ZNF654: variants seen among roughly 807,000 people sequenced by gnomAD.
ZNF654 encodes melanoma-associated antigen.
Under a neutral mutation model 95.3 loss-of-function variants are expected in ZNF654, and 19 were observed. That is an observed-to-expected ratio of 0.20 (90% CI 0.14 to 0.29). The LOEUF is 0.29. Ranked by LOEUF, ZNF654 falls within the 10% of genes least tolerant of loss-of-function variation. ZNF654 has a pLI of 1.00. For synonymous variants in ZNF654, 413 were observed against 457.9 expected (o/e 0.90, Z 1.25); for missense variants, 1,046 against 1,341.0 (o/e 0.78, Z 3.44).
intron 7 of ZNF654, 69 bp from the exon 8 acceptor site, chr3:88,138,636 T>TTAA (rs1200427349): frequency 2.1e-6 from 2 of 952,970 alleles, no homozygotes; most frequent in African/African-American, 3.4e-5. Context: ...TTGTGTTTTT[T>TTAA]AAAGATAGAC....
chr3:88,084,540 G>A, intron 1 of ZNF654, among the ~76,000 whole-genome samples: 1 of 152,286 alleles, frequency 6.6e-6, no homozygotes, highest in Non-Finnish European at 1.5e-5. Flanking sequence ...GCAAGAGCCA[G>A]ACGAGATACA....
chr3:88,139,552 T>G lies in ZNF654; in HGVS notation c.1883T>G (p.Phe628Cys), dbSNP rs1331310424. 2 of 1,613,524 alleles carry G rather than the reference T, an allele frequency of 1.2e-6. No individual in the cohort carries two copies. Among genetic ancestry groups the G allele is most frequent in the Non-Finnish European group, 1.7e-6 (2 of 1,179,714 alleles). The stretch of plus-strand genomic sequence containing the variant: ...AATTGTTCTAGTTCTTCCATTTCAT[T>G]TGAAAATGGGAATTCTGATAGTAAG... ...EINCSSSSIS[F>C]ENGNSDSKDL... Residue 628 changes from phenylalanine to cysteine, a missense_variant, in exon 8 of 9, where the codon TTT becomes TGT. Phe to Cys is a radical substitution (Grantham distance 205). Around this residue, in one of 9 missense-constraint regions of ZNF654, gnomAD observed 495 missense variants for 537.0 expected, o/e 0.92. Transcript: ENST00000636215.
chr3:88,083,939 TTTTATA>T lies in ZNF654; in HGVS notation c.187-2316_187-2311del, dbSNP rs1374691231. 4.6e-4 allele frequency among the ~76,000 whole-genome samples: 11 copies of T among 24,006 alleles called. No homozygotes were observed. The South Asian group carries it at 8.1e-3, about 18-fold the overall frequency. 15.7% of individuals were successfully genotyped at this position (24,006 alleles called of 152,430 possible). A position where few individuals can be genotyped will look rare whatever the true frequency, so the allele number is the denominator to read the frequency against. On this transcript the variant is annotated intron_variant, in intron 1 of 8. Transcript: ENST00000636215. ...TTAATAGGACAATGTAATGTACTTATTTTATATATATATATATATATATATATAGAA... is the reference window on the plus strand; with the variant it reads ...TTAATAGGACAATGTAATGTACTTATTATATATATATATATATATATAGAA...
At chr3:88,060,190 C>T (rs1706784747) in intron 1 of ZNF654, among the ~76,000 whole-genome samples, 1 of 152,050 alleles carries the variant, frequency 6.6e-6, no homozygotes, top group Non-Finnish European at 1.5e-5. Context: ...AAGTAATTTT[C>T]CTTAAACTCT....
At chr3:88,111,968 C>A (rs137905534) in intron 2 of ZNF654, among the ~76,000 whole-genome samples, 4 of 151,888 alleles carry the variant, frequency 2.6e-5, no homozygotes, top group Non-Finnish European at 4.4e-5. Context: ...GCGAAATATT[C>A]TCTTGCAGTT....
At chr3:88,134,103 TAAAA>T (rs749235741) in intron 6 of ZNF654, among the ~76,000 whole-genome samples, 1 of 142,336 alleles carries the variant, frequency 7.0e-6, no homozygotes. Flanking sequence ...GAGTGTGAGT[TAAAA>T]AAAAAAAAGG....
Position 88,139,558 on chromosome 3 carries a change from A to G in ZNF654, c.1889A>G (p.Asn630Ser), listed in dbSNP as rs2107890331. The change falls in exon 8 of 9, where the codon AAT becomes AGT. Residue 630 changes from asparagine (N) to serine (S), a missense_variant. By Grantham distance (46) the Asn-to-Ser change is conservative. Around this residue, in one of 9 missense-constraint regions of ZNF654, gnomAD observed 495 missense variants for 537.0 expected, o/e 0.92. Transcript: ENST00000636215. ...TCTAGTTCTTCCATTTCATTTGAAA[A>G]TGGGAATTCTGATAGTAAGGATTTG... is the stretch of plus-strand genomic sequence containing the variant. The part of the protein sequence containing the change: ...NCSSSSISFE[N>S]GNSDSKDLEV... 6.2e-7 allele frequency: 1 copy of G among 1,613,580 alleles called. No individual in the cohort carries two copies. Among genetic ancestry groups the G allele is most frequent in the Non-Finnish European group, 8.5e-7 (1 of 1,179,752 alleles).
intron 1 of ZNF654, among the ~76,000 whole-genome samples, chr3:88,066,438 G>T (rs1227082023): frequency 2.0e-5 from 3 of 152,104 alleles, no homozygotes; most frequent in Non-Finnish European, 2.9e-5. Flanking sequence ...GCTGGGTGTG[G>T]TGGCACACAC....
intron 2 of ZNF654, among the ~76,000 whole-genome samples, chr3:88,101,522 T>C (rs1178756110): frequency 6.6e-6 from 1 of 152,204 alleles, no homozygotes; most frequent in African/African-American, 2.4e-5. Flanking sequence ...CATTTATCAG[T>C]AGCTCATTTC....
chr3:88,097,080 A>G (rs1704108626), intron 2 of ZNF654, among the ~76,000 whole-genome samples: 1 of 152,108 alleles, frequency 6.6e-6, no homozygotes, highest in Admixed American at 6.6e-5. Context: ...TTACTAATGG[A>G]TAGTTCTTGT....
At chr3:88,117,378 A>G (rs1705474915) in intron 3 of ZNF654, among the ~76,000 whole-genome samples, 1 of 152,186 alleles carries the variant, frequency 6.6e-6, no homozygotes, top group Non-Finnish European at 1.5e-5. Context: ...TATAGTAACA[A>G]ATGCCAGCAT....
chr3:88,100,726 G>A (rs1704364489), intron 2 of ZNF654, among the ~76,000 whole-genome samples: 1 of 151,728 alleles, frequency 6.6e-6, no homozygotes, highest in African/African-American at 2.4e-5. Context: ...ACCAAACACC[G>A]CCATGTTCTC....
intron 1 of ZNF654, among the ~76,000 whole-genome samples, chr3:88,080,608 C>A (rs1301002816): frequency 6.6e-6 from 1 of 152,024 alleles, no homozygotes; most frequent in South Asian, 2.1e-4. Flanking sequence ...GCTTCCAAAG[C>A]CTATACTCTT....
chr3:88,091,631 C>T (rs1280375284), intron 2 of ZNF654, among the ~76,000 whole-genome samples: 5 of 152,130 alleles, frequency 3.3e-5, no homozygotes, highest in African/African-American at 1.2e-4. Context: ...TGAATTGTAG[C>T]TTCCATAATC....
Position 88,139,233 on chromosome 3 carries a change from G to A in ZNF654, c.1564G>A (p.Gly522Ser). Reference sequence around the variant, plus strand: ...TGATGTATCTGGAGTGCAGCCTAAAGGTCATATTAATACGAAGAAAAATCT... The same window carrying A: ...TGATGTATCTGGAGTGCAGCCTAAAAGTCATATTAATACGAAGAAAAATCT... ...PDDVSGVQPK[G>S]HINTKKNLTA... The change falls in exon 8 of 9, where the codon GGT becomes AGT. Residue 522 changes from glycine (G) to serine (S), a missense_variant. By Grantham distance (56) the Gly-to-Ser change is moderately conservative. Transcript: ENST00000636215. 4.7e-6 allele frequency: 7 copies of A among 1,502,576 alleles called. No individual in the cohort carries two copies. Among genetic ancestry groups the A allele is most frequent in the Non-Finnish European group, 6.2e-6 (7 of 1,130,322 alleles). 93.1% of individuals were successfully genotyped at this position (1,502,576 alleles called of 1,614,324 possible).
At chr3:88,129,271 G>T (rs557493363) in intron 5 of ZNF654, among the ~76,000 whole-genome samples, 1 of 136,396 alleles carries the variant, frequency 7.3e-6, no homozygotes, top group East Asian at 2.4e-4. Context: ...CTTTTGATGT[G>T]ATGGAGAAGA....
intron 1 of ZNF654, among the ~76,000 whole-genome samples, chr3:88,065,610 A>AT (rs1707151931): frequency 6.6e-6 from 1 of 151,938 alleles, no homozygotes; most frequent in South Asian, 2.1e-4. Flanking sequence ...GCTGAATTTT[A>AT]TTTTTTACAT....
chr3:88,088,359 TGAAA>T lies in ZNF654; in HGVS notation c.332+1963_332+1966del, dbSNP rs368241390. 3.9e-4 allele frequency among the ~76,000 whole-genome samples: 59 copies of T among 152,238 alleles called. No individual in the cohort carries two copies. In the East Asian group the frequency reaches 0.01, roughly 27 times the overall value. On this transcript the variant is annotated intron_variant, in intron 2 of 8. Transcript: ENST00000636215. ...GCAATGAAAAAGTGAAAAATAATTT[TGAAA>T]GAAAGTGTTAATGTTGAAAATAAAA...
intron 2 of ZNF654, among the ~76,000 whole-genome samples, chr3:88,109,031 C>T (rs566279112): frequency 4.7e-4 from 72 of 152,042 alleles, no homozygotes; most frequent in African/African-American, 1.6e-3. Flanking sequence ...GAGACATGAA[C>T]AGAAACATGT....
Sources: allele counts gnomAD v4.1 joint callset (sites outside exome capture counted in the v4.1 genomes callset), GRCh38; gene constraint gnomAD v4.1.1; regional missense constraint gnomAD v4.1.1; transcripts MANE v1.5; gene names NCBI Gene and HGNC (gene_info 2026-07-23, HGNC 2026-07-21).